Variants in CORO2B observed in about 807,000 individuals in gnomAD.
CORO2B encodes the protein coronin 2B, also known as coronin-2B.
Under a neutral mutation model 58.8 loss-of-function variants are expected in CORO2B, and 26 were observed. The ratio of observed to expected loss-of-function variants is 0.44; its 90% confidence interval spans 0.32 to 0.61. The LOEUF (loss-of-function observed/expected upper bound fraction) is 0.61, where lower values mean the gene tolerates loss of function less well. CORO2B is among the 20% of genes least tolerant of loss of function. The pLI is 0.04. For synonymous variants in CORO2B, 242 were observed against 253.8 expected, an observed-to-expected ratio of 0.95 and a Z score of 0.44; for missense variants, 460 against 645.1, an observed-to-expected ratio of 0.71 and a Z score of 3.11.
the CORO2B span, among the ~76,000 whole-genome samples, chr15:68,566,219 C>T: frequency 1.3e-5 from 2 of 152,186 alleles, no homozygotes; most frequent in East Asian, 1.9e-4. Flanking sequence ...GGAGATGCAG[C>T]TGATGTGTTT....
chr15:68,644,918 T>G (rs1901372710), intron 1 of CORO2B, among the ~76,000 whole-genome samples: 2 of 152,224 alleles, frequency 1.3e-5, no homozygotes, highest in African/African-American at 4.8e-5. Flanking sequence ...CAAAAGCTCC[T>G]ATGCCAATCT....
At chr15:68,552,445 G>A in the CORO2B span, among the ~76,000 whole-genome samples, 2,882 of 122,610 alleles carry the variant, frequency 0.024, 38 homozygotes, top group Admixed American at 0.043. Flanking sequence ...ACTCCCAAGG[G>A]GCAGCCATGG....
chr15:68,584,266 C>T (rs1899500703), intron 1 of CORO2B, among the ~76,000 whole-genome samples: 1 of 152,248 alleles, frequency 6.6e-6, no homozygotes, highest in Non-Finnish European at 1.5e-5. Context: ...CAATGAAGCT[C>T]ACTCTCCAGA....
chr15:68,723,273 C>G (rs190039724), intron 11 of CORO2B, among the ~76,000 whole-genome samples: 1 of 148,644 alleles, frequency 6.7e-6, no homozygotes, highest in African/African-American at 2.5e-5. Flanking sequence ...AGGTACCCAC[C>G]ACCATGCCTG....
In CORO2B at chr15:68,707,887, T is replaced by A. The variant is rs181807705; in HGVS notation, c.334-2845T>A. Among the ~76,000 whole-genome samples, 88 of 152,208 alleles carry A rather than the reference T, an allele frequency of 5.8e-4. 1 individual carries two copies. The highest frequency in any genetic ancestry group is 4.0e-3 in the Admixed American group (61 of 15,282). On this transcript the variant is annotated intron_variant, in intron 3 of 11. Transcript: ENST00000261861. ...CTGAACGCCCTGGTGCAGGGGTTGT[T>A]GAGGAAAGAGCATTGGGGTATTCTG...
chr15:68,582,072 G>A (rs368951496), intron 1 of CORO2B, among the ~76,000 whole-genome samples: 10 of 152,294 alleles, frequency 6.6e-5, no homozygotes, highest in African/African-American at 2.2e-4. Context: ...TGTAGAGGAG[G>A]TGAGCCTGTT....
At chr15:68,720,832 GGGGATAAAAT>G (rs751439958) in intron 11 of CORO2B, among the ~76,000 whole-genome samples, 2 of 152,226 alleles carry the variant, frequency 1.3e-5, no homozygotes, top group Non-Finnish European at 2.9e-5. Flanking sequence ...CTTGAGGAGA[GGGGATAAAAT>G]GGGAGCCATC....
At chr15:68,696,376 C>T (rs1892510416) in intron 3 of CORO2B, among the ~76,000 whole-genome samples, 2 of 151,738 alleles carry the variant, frequency 1.3e-5, no homozygotes, top group South Asian at 4.2e-4. Flanking sequence ...TGGTGAAACC[C>T]CATCTCTACT....
Position 68,718,816 on chromosome 15 carries a change from TG to T in CORO2B, c.1080+10del. 1 of 1,610,590 alleles carries T rather than the reference TG, an allele frequency of 6.2e-7. No individual in the cohort carries two copies. On this transcript the variant is annotated splice_region_variant and intron_variant, in intron 9 of 11. Transcript: ENST00000261861. ...CCATGATCGTGCCCCGGAGGGTAAGTGGGGCTGGGCTGGGCTCCAGGAGGGG... is the reference window on the plus strand; with the variant it reads ...CCATGATCGTGCCCCGGAGGGTAAGTGGGCTGGGCTGGGCTCCAGGAGGGG...
chr15:68,518,981 G>A, the CORO2B span, among the ~76,000 whole-genome samples: 2 of 152,162 alleles, frequency 1.3e-5, no homozygotes, highest in African/African-American at 4.8e-5. Context: ...CAGTTGCCTT[G>A]TTCCAGGCCC....
intron 1 of CORO2B, among the ~76,000 whole-genome samples, chr15:68,639,693 G>A (rs1190995388): frequency 6.6e-6 from 1 of 152,208 alleles, no homozygotes; most frequent in Non-Finnish European, 1.5e-5. Flanking sequence ...CCCCCCCAGG[G>A]ATGGGAAGCT....
At chr15:68,673,835 TAA>T (rs10579845) in intron 2 of CORO2B, among the ~76,000 whole-genome samples, 61,288 of 92,834 alleles carry the variant, frequency 0.66, 19,973 homozygotes, top group South Asian at 0.81. Context: ...AGACTCCGTC[TAA>T]AAAAAAAAAA....
chr15:68,669,390 C>T (rs1902311161), intron 2 of CORO2B, among the ~76,000 whole-genome samples: 1 of 152,182 alleles, frequency 6.6e-6, no homozygotes, highest in Non-Finnish European at 1.5e-5. Flanking sequence ...CTAAAGGGAA[C>T]AGGGAATCTT....
intron 2 of CORO2B, among the ~76,000 whole-genome samples, chr15:68,649,731 CT>C (rs1015314484): frequency 5.3e-5 from 8 of 152,230 alleles, no homozygotes; most frequent in African/African-American, 1.4e-4. Flanking sequence ...TTAAAAATAA[CT>C]TTTTTTAAGA....
chr15:68,536,201 G>T, the CORO2B span, among the ~76,000 whole-genome samples: 1 of 152,220 alleles, frequency 6.6e-6, no homozygotes, highest in East Asian at 1.9e-4. Context: ...TAGTCTACAA[G>T]AAGTTCAGTT....
the CORO2B span, among the ~76,000 whole-genome samples, chr15:68,518,725 C>G: frequency 7.2e-5 from 11 of 152,176 alleles, no homozygotes; most frequent in South Asian, 8.3e-4. Flanking sequence ...TCCTGGGAAC[C>G]CTGTGATGCC....
In CORO2B at chr15:68,642,359, G is replaced by A. The variant is rs150816694; in HGVS notation, c.16-2801G>A. 8.5e-5 allele frequency among the ~76,000 whole-genome samples: 13 copies of A among 152,162 alleles called. No homozygotes were observed. The East Asian group carries it at 9.7e-4, about 11-fold the overall frequency. On this transcript the variant is annotated intron_variant, in intron 1 of 11. Coordinates refer to ENST00000261861, the MANE Select transcript of CORO2B (RefSeq NM_006091.5). ...TACCCCAGGGAGAGCCTGCGGTGAC[G>A]TCTGCACTGGGAAGAGCAGAGAACT...
chr15:68,572,431 G>A, the CORO2B span, among the ~76,000 whole-genome samples: 1 of 152,212 alleles, frequency 6.6e-6, no homozygotes, highest in South Asian at 2.1e-4. Flanking sequence ...GGCTCAGGCT[G>A]AAAATTTGGC....
chr15:68,711,801 C>G (rs1057492667), intron 5 of CORO2B, 95 bp downstream of exon 5: 2 of 1,444,742 alleles, frequency 1.4e-6, no homozygotes, highest in Non-Finnish European at 1.9e-6. Flanking sequence ...GTGCCAGCCC[C>G]CTTCTCCAGT....
Sources: allele counts gnomAD v4.1 joint callset (sites outside exome capture counted in the v4.1 genomes callset), GRCh38; gene constraint gnomAD v4.1.1; transcripts MANE v1.5; gene names NCBI Gene and HGNC (gene_info 2026-07-23, HGNC 2026-07-21).